Variants in ARHGAP25 observed in about 807,000 individuals in gnomAD.
ARHGAP25 encodes the protein rho GTPase-activating protein 25.
Under a neutral mutation model 71.0 loss-of-function variants are expected in ARHGAP25, and 34 were observed. The ratio of observed to expected loss-of-function variants is 0.48; its 90% confidence interval spans 0.36 to 0.64. The LOEUF is 0.64. Among genes scored for constraint, ARHGAP25 ranks in the 30% least tolerant of loss-of-function variants. ARHGAP25 has a pLI of 0.00. For missense variants in ARHGAP25, 706 were observed against 805.1 expected (o/e 0.88, Z 1.49); for synonymous variants, 282 against 296.5 (o/e 0.95, Z 0.50).
chr2:68,769,804 G>A (rs777088978), intron 1 of ARHGAP25, among the ~76,000 whole-genome samples: 6 of 151,972 alleles, frequency 3.9e-5, no homozygotes, highest in Non-Finnish European at 7.4e-5. Flanking sequence ...AGGTGGGGGT[G>A]GGTAGGGAGG....
chr2:68,764,394 G>T (rs950386939), intron 1 of ARHGAP25, among the ~76,000 whole-genome samples: 1 of 152,202 alleles, frequency 6.6e-6, no homozygotes, highest in African/African-American at 2.4e-5. Context: ...GAGTGGAATT[G>T]CTGGGTGCTA....
rs1013542701 is a variant in ARHGAP25 at position 68,767,683 on chromosome 2, G to A, written c.62-7538G>A. Among the ~76,000 whole-genome samples the A allele has an allele frequency of 5.9e-5, 9 of 152,148 alleles. No homozygotes were observed. Among genetic ancestry groups the A allele is most frequent in the Admixed American group, 3.3e-4 (5 of 15,278 alleles). On this transcript the variant is annotated intron_variant, in intron 1 of 10. Coordinates refer to ENST00000409202, the MANE Select transcript of ARHGAP25 (RefSeq NM_001007231.3). This position sits in a 1 kb window ranked among gnomAD's most constrained non-coding sequence, Gnocchi z 4.6. The stretch of plus-strand genomic sequence containing the variant: ...TCCACATGAGCTTGGGTAGCAGCTG[G>A]TAAGACGTGGCAGGATTACCTAATA...
chr2:68,818,050 C>T (rs1045192683), intron 8 of ARHGAP25, 56 bp downstream of exon 8: 11 of 1,601,778 alleles, frequency 6.9e-6, no homozygotes, highest in Non-Finnish European at 7.7e-6. Context: ...TTACAACATT[C>T]CCCCTGATAT....
At position 68,826,642 on chromosome 2, in the gene ARHGAP25, A is replaced by G. The variant is rs17036043; in HGVS notation, c.*448A>G. 354 of 298,380 alleles carry G rather than the reference A, an allele frequency of 1.2e-3. 4 individuals carry two copies. The Admixed American group carries it at 0.015, about 13-fold the overall frequency. The allele number at this position is 298,380 out of a possible 1,614,324, so 18.5% of individuals were successfully genotyped here. On this transcript the variant is annotated 3_prime_UTR_variant, in exon 11 of 11. Coordinates refer to ENST00000409202, the MANE Select transcript of ARHGAP25 (RefSeq NM_001007231.3). Reference sequence around the variant, plus strand: ...ACATTCATCTTTTGAGTCCTCATCCATGGAGTGCTGTGTTTGGGGGGCTGC... The same window carrying G: ...ACATTCATCTTTTGAGTCCTCATCCGTGGAGTGCTGTGTTTGGGGGGCTGC...
At chr2:68,812,852 G>A (rs1680931427) in intron 5 of ARHGAP25, among the ~76,000 whole-genome samples, 1 of 152,174 alleles carries the variant, frequency 6.6e-6, no homozygotes, top group South Asian at 2.1e-4. Flanking sequence ...AAATACGTGA[G>A]TGAACCTCAG....
At chr2:68,712,437 A>T (rs1318183541) in intron 2 of ARHGAP25, among the ~76,000 whole-genome samples, 4 of 152,032 alleles carry the variant, frequency 2.6e-5, no homozygotes, top group Admixed American at 2.6e-4. Context: ...GATTGCAAAA[A>T]TTTTCTCCCA....
intron 3 of ARHGAP25, among the ~76,000 whole-genome samples, chr2:68,782,819 C>A (rs184736813): frequency 4.5e-4 from 68 of 152,358 alleles, no homozygotes; most frequent in African/African-American, 1.6e-3. Context: ...TTGGAGGTGC[C>A]TCTTTCAAAT....
chr2:68,763,954 G>C, intron 1 of ARHGAP25, among the ~76,000 whole-genome samples: 1 of 152,070 alleles, frequency 6.6e-6, no homozygotes, highest in East Asian at 1.9e-4. Flanking sequence ...TAAATTTATA[G>C]GGTTGTGTGA....
intron 2 of ARHGAP25, among the ~76,000 whole-genome samples, chr2:68,724,246 C>G (rs868669616): frequency 1.3e-5 from 2 of 152,154 alleles, no homozygotes; most frequent in Non-Finnish European, 2.9e-5. Flanking sequence ...GCCCCAAACT[C>G]TCTGCACTTC....
intron 1 of ARHGAP25, among the ~76,000 whole-genome samples, chr2:68,746,868 T>G (rs934121586): frequency 6.6e-6 from 1 of 151,636 alleles, no homozygotes; most frequent in African/African-American, 2.4e-5. Context: ...ATTAGCTGGG[T>G]GTAGTGACGC....
At chr2:68,798,740 G>A (rs1679751803) in intron 4 of ARHGAP25, among the ~76,000 whole-genome samples, 1 of 152,224 alleles carries the variant, frequency 6.6e-6, no homozygotes. Flanking sequence ...AAGGCCAGCA[G>A]AAGCTAACTA....
intron 1 of ARHGAP25, among the ~76,000 whole-genome samples, chr2:68,747,251 C>T (rs1675890330): frequency 6.7e-6 from 1 of 149,534 alleles, no homozygotes; most frequent in South Asian, 2.1e-4. Flanking sequence ...GTTACTCTTC[C>T]TGAGTCTGCT....
rs1681785050 is a variant in ARHGAP25 at position 68,822,670 on chromosome 2, G to A, written c.1531G>A (p.Gly511Arg). The A allele has an allele frequency of 1.9e-6, 3 of 1,614,010 alleles. No homozygotes were observed. The South Asian group carries it at 3.3e-5, about 18-fold the overall frequency. The change falls in exon 10 of 11, where the codon GGG (glycine) becomes AGG (arginine). Residue 511 changes from glycine (G) to arginine (R), a missense_variant. Gly to Arg is a moderately radical substitution (Grantham distance 125, BLOSUM62 -2). Transcript: ENST00000409202. ...STYDNVPSLP[G>R]SPGEEASALS... Reference sequence around the variant, plus strand: ...CTACGATAACGTCCCTTCCCTGCCAGGGTCCCCTGGGGAGGAAGCCAGTGC... The same window carrying A: ...CTACGATAACGTCCCTTCCCTGCCAAGGTCCCCTGGGGAGGAAGCCAGTGC...
chr2:68,789,883 A>G (rs907851407), intron 4 of ARHGAP25, among the ~76,000 whole-genome samples: 1 of 152,198 alleles, frequency 6.6e-6, no homozygotes, highest in African/African-American at 2.4e-5. Context: ...CAAGTCAAGC[A>G]TGAGTCCTGT....
At chr2:68,717,452 T>A (rs1307955199) in intron 2 of ARHGAP25, among the ~76,000 whole-genome samples, 1 of 152,164 alleles carries the variant, frequency 6.6e-6, no homozygotes, top group Non-Finnish European at 1.5e-5. Flanking sequence ...CAATTCAATC[T>A]TTTCTTTTTA....
chr2:68,734,948 C>G lies in ARHGAP25; in HGVS notation c.-252C>G. Reference sequence around the variant, plus strand: ...AGCAAGAAAAGCAGGGTGCTAGCCCCTGTGGGACTGAGGGTGGAGGCTGGG... The same window carrying G: ...AGCAAGAAAAGCAGGGTGCTAGCCCGTGTGGGACTGAGGGTGGAGGCTGGG... On this transcript the variant is annotated 5_prime_UTR_variant, in exon 1 of 11. Coordinates refer to ENST00000409202, the MANE Select transcript of ARHGAP25 (RefSeq NM_001007231.3). 1.7e-6 allele frequency: 1 copy of G among 577,940 alleles called. No individual in the cohort carries two copies. The highest frequency in any genetic ancestry group is 3.1e-6 in the Non-Finnish European group (1 of 325,364). 35.8% of individuals were successfully genotyped at this position (577,940 alleles called of 1,614,324 possible). A position where few individuals can be genotyped will look rare whatever the true frequency, so the allele number is the denominator to read the frequency against.
intron 5 of ARHGAP25, among the ~76,000 whole-genome samples, chr2:68,810,603 T>C (rs1318397237): frequency 6.6e-6 from 1 of 152,186 alleles, no homozygotes; most frequent in Non-Finnish European, 1.5e-5. Context: ...TTATAATCCC[T>C]TTCTCTTTTC....
intron 7 of ARHGAP25, chr2:68,816,580 C>T (rs1681250752): frequency 2.6e-5 from 14 of 544,750 alleles, no homozygotes; most frequent in Admixed American, 1.3e-4. Flanking sequence ...CCCATTTAGG[C>T]CTGCCTCAGC....
At position 68,802,226 on chromosome 2, in the gene ARHGAP25, G is replaced by A. The variant is rs549824896; in HGVS notation, c.467-5047G>A. Among the ~76,000 whole-genome samples, 105 of 131,990 alleles carry A rather than the reference G, an allele frequency of 8.0e-4. No homozygotes were observed. The Middle Eastern group carries it at 0.028, about 36-fold the overall frequency. The allele number at this position is 131,990 out of a possible 152,430, so 86.6% of individuals were successfully genotyped here. ...GATCGAGACCTTCCTGGCTAACACG[G>A]AGAAACCCCGTCTCTACTAAAAATA... On this transcript the variant is annotated intron_variant, in intron 4 of 10. Transcript: ENST00000409202.
Sources: allele counts gnomAD v4.1 joint callset (sites outside exome capture counted in the v4.1 genomes callset), GRCh38; gene constraint gnomAD v4.1.1; non-coding constraint Gnocchi (gnomAD v3.1); transcripts MANE v1.5; gene names NCBI Gene and HGNC (gene_info 2026-07-23, HGNC 2026-07-21).